The following PAK1 variants were observed in gnomAD, a reference collection of about 807,000 sequenced individuals.
The protein encoded by PAK1 is serine/threonine-protein kinase PAK 1.
Under a neutral mutation model 67.4 loss-of-function variants are expected in PAK1, and 29 were observed. The observed-to-expected ratio is 0.43, with a 90% CI of 0.32 to 0.59. The LOEUF (loss-of-function observed/expected upper bound fraction) is 0.59, where lower values mean the gene tolerates loss of function less well. Among genes scored for constraint, PAK1 ranks in the 20% least tolerant of loss-of-function variants. The pLI is 0.07. For synonymous variants in PAK1, 223 were observed against 237.4 expected (o/e 0.94, Z 0.56); for missense variants, 337 against 670.7 (o/e 0.50, Z 5.50).
the PAK1 span, among the ~76,000 whole-genome samples, chr11:77,496,163 C>T: frequency 3.9e-4 from 59 of 151,668 alleles, no homozygotes; most frequent in African/African-American, 1.3e-3. Context: ...GGACTACAGG[C>T]GCCCACCACC....
chr11:77,412,533 A>G lies in PAK1; in HGVS notation c.-21-19992T>C, dbSNP rs554826552. Among the ~76,000 whole-genome samples the G allele has an allele frequency of 5.9e-5, 9 of 152,120 alleles. No individual in the cohort carries two copies. In the Middle Eastern group the frequency reaches 0.014, roughly 230 times the overall value. ...GCCTTGACCTTCCTGGGCTCAAGTAATCCTCCCACCTCAGCCTCCCAAGTA... is the reference window on the plus strand; with the variant it reads ...GCCTTGACCTTCCTGGGCTCAAGTAGTCCTCCCACCTCAGCCTCCCAAGTA... On this transcript the variant is annotated intron_variant, in intron 1 of 14. Transcript: ENST00000356341.
At chr11:77,503,217 T>C in the PAK1 span, among the ~76,000 whole-genome samples, 592 of 152,264 alleles carry the variant, frequency 3.9e-3, 10 homozygotes, top group African/African-American at 0.013. Context: ...GGTTCCAAAC[T>C]GCAATGTGTA....
intron 4 of PAK1, among the ~76,000 whole-genome samples, chr11:77,376,975 C>T (rs1949173279): frequency 6.6e-6 from 1 of 151,942 alleles, no homozygotes; most frequent in African/African-American, 2.4e-5. Flanking sequence ...AATCTAAGGC[C>T]ATCATAAGAA....
chr11:77,465,008 G>C (rs892478435), intron 1 of PAK1, among the ~76,000 whole-genome samples: 3 of 150,572 alleles, frequency 2.0e-5, no homozygotes, highest in Admixed American at 6.6e-5. Flanking sequence ...GTGTGTGTGT[G>C]TGTGTCTGTG....
intron 14 of PAK1, among the ~76,000 whole-genome samples, chr11:77,332,120 A>G (rs1180540427): frequency 2.6e-5 from 4 of 151,398 alleles, no homozygotes; most frequent in East Asian, 2.0e-4. Flanking sequence ...CACGGCCAAC[A>G]TAGCAAAACC....
chr11:77,513,402 C>T, the PAK1 span, among the ~76,000 whole-genome samples: 2 of 152,072 alleles, frequency 1.3e-5, no homozygotes, highest in African/African-American at 4.8e-5. Context: ...GGCATGGTGG[C>T]TCATGCCTGT....
the PAK1 span, among the ~76,000 whole-genome samples, chr11:77,506,862 G>C: frequency 6.6e-6 from 1 of 152,068 alleles, no homozygotes; most frequent in Non-Finnish European, 1.5e-5. Context: ...CTTAGGGTTG[G>C]GGAGAAGCAA....
At chr11:77,364,788 A>T (rs1947276544) in intron 5 of PAK1, among the ~76,000 whole-genome samples, 1 of 152,180 alleles carries the variant, frequency 6.6e-6, no homozygotes, top group Non-Finnish European at 1.5e-5. Context: ...AACTAAAAGA[A>T]ACCATGTTTA....
chr11:77,503,651 C>T, the PAK1 span, among the ~76,000 whole-genome samples: 1 of 152,054 alleles, frequency 6.6e-6, no homozygotes, highest in African/African-American at 2.4e-5. Flanking sequence ...TTGCTTAAGC[C>T]CTGGAGTTCA....
intron 1 of PAK1, among the ~76,000 whole-genome samples, chr11:77,404,644 C>T (rs970100560): frequency 6.6e-6 from 1 of 152,174 alleles, no homozygotes; most frequent in Non-Finnish European, 1.5e-5. Flanking sequence ...CTATGTGCCT[C>T]CCTGTATCTG....
intron 1 of PAK1, among the ~76,000 whole-genome samples, chr11:77,470,976 T>C (rs905410789): frequency 1.3e-5 from 2 of 152,246 alleles, no homozygotes; most frequent in African/African-American, 2.4e-5. Flanking sequence ...ATTTGCACAT[T>C]GGACCATGAT....
At chr11:77,459,635 C>T (rs1168545182) in intron 1 of PAK1, among the ~76,000 whole-genome samples, 2 of 151,680 alleles carry the variant, frequency 1.3e-5, no homozygotes, top group Non-Finnish European at 2.9e-5. Flanking sequence ...TTATAAATGC[C>T]ATCGCAGAAA....
chr11:77,385,503 T>C (rs1040713482), intron 2 of PAK1, among the ~76,000 whole-genome samples: 13 of 152,204 alleles, frequency 8.5e-5, no homozygotes, highest in African/African-American at 3.1e-4. Context: ...ACAGAAGATA[T>C]TTGTAACATA....
intron 5 of PAK1, among the ~76,000 whole-genome samples, chr11:77,366,288 G>C (rs1366816089): frequency 6.6e-6 from 1 of 152,178 alleles, no homozygotes; most frequent in Admixed American, 6.5e-5. Context: ...AGAGGAAACG[G>C]TAAATATGTA....
At position 77,414,870 on chromosome 11, in the gene PAK1, A is replaced by C. The variant is rs142011558; in HGVS notation, c.-21-22329T>G. 3.0e-3 allele frequency among the ~76,000 whole-genome samples: 452 copies of C among 152,372 alleles called. 4 individuals carry two copies. The highest frequency in any genetic ancestry group is 0.011 in the African/African-American group (440 of 41,594). ...TTTTAGATACAGCCCCAAAAGCAAG[A>C]TCCATGAAAGAAAAAACTGACATGT... On this transcript the variant is annotated intron_variant, in intron 1 of 14. Transcript: ENST00000356341.
the PAK1 span, among the ~76,000 whole-genome samples, chr11:77,522,693 C>T: frequency 1.3e-5 from 2 of 152,198 alleles, no homozygotes; most frequent in Non-Finnish European, 2.9e-5. Flanking sequence ...ATAGAACTCT[C>T]ATTTGACCCA....
chr11:77,459,956 A>G (rs1357784718), intron 1 of PAK1, among the ~76,000 whole-genome samples: 16 of 151,606 alleles, frequency 1.1e-4, no homozygotes, highest in Admixed American at 1.0e-3. Context: ...TAGGCCTCCC[A>G]AAGTGCTGGG....
intron 5 of PAK1, among the ~76,000 whole-genome samples, chr11:77,364,060 C>A (rs529606358): frequency 3.9e-5 from 6 of 152,364 alleles, no homozygotes; most frequent in African/African-American, 1.4e-4. Flanking sequence ...GTGGTAGCGG[C>A]AGAGGGTCAA....
At chr11:77,418,843 G>C (rs538420586) in intron 1 of PAK1, among the ~76,000 whole-genome samples, 5 of 152,310 alleles carry the variant, frequency 3.3e-5, no homozygotes, top group South Asian at 4.1e-4. Flanking sequence ...ACCACTAATA[G>C]GGGAAGTTGG....
Sources: allele counts gnomAD v4.1 joint callset (sites outside exome capture counted in the v4.1 genomes callset), GRCh38; gene constraint gnomAD v4.1.1; transcripts MANE v1.5; gene names NCBI Gene and HGNC (gene_info 2026-07-23, HGNC 2026-07-21).